Variants in XKR4 observed in about 807,000 individuals in gnomAD.
XKR4 encodes the protein XK related 4, also known as XK-related protein 4.
A neutral mutation model predicts 53.9 loss-of-function variants in XKR4; 12 were observed. The observed-to-expected ratio is 0.22, with a 90% CI of 0.14 to 0.36. XKR4 has a LOEUF of 0.36. XKR4 is among the 10% of genes least tolerant of loss of function. The pLI is 1.00. For missense variants in XKR4, 799 were observed against 859.5 expected, an observed-to-expected ratio of 0.93 and a Z score of 0.88; for synonymous variants, 354 against 362.4, an observed-to-expected ratio of 0.98 and a Z score of 0.26.
chr8:55,266,595 C>T (rs373198456), intron 1 of XKR4, among the ~76,000 whole-genome samples: 13 of 152,180 alleles, frequency 8.5e-5, no homozygotes, highest in African/African-American at 3.1e-4. Context: ...GAATGGAATA[C>T]AAGATGTACA....
intron 1 of XKR4, among the ~76,000 whole-genome samples, chr8:55,162,755 C>T (rs1007745307): frequency 6.6e-6 from 1 of 152,034 alleles, no homozygotes; most frequent in Admixed American, 6.6e-5. Context: ...ATTGAACTAC[C>T]CTTTCAATAT....
intron 2 of XKR4, among the ~76,000 whole-genome samples, chr8:55,386,683 G>A (rs2658941): frequency 0.67 from 101,739 of 152,080 alleles, 34,723 homozygotes; most frequent in African/African-American, 0.8. Context: ...TAAGTCTGCA[G>A]CTGGAAAAAT....
At position 55,509,919 on chromosome 8, in the gene XKR4, T is replaced by C. The variant is rs142033985; in HGVS notation, c.1007-13362T>C. 3.3e-5 allele frequency among the ~76,000 whole-genome samples: 5 copies of C among 152,348 alleles called. No individual in the cohort carries two copies. In the East Asian group the frequency reaches 9.6e-4, roughly 29 times the overall value. On this transcript the variant is annotated intron_variant, in intron 2 of 2. Transcript: ENST00000327381. ...CTGTGAGGTTCTTTCCTTTGGGCTT[T>C]GTTTTCTGAATGATGGAGGTAATAC...
chr8:55,386,237 A>G (rs1336238337), intron 2 of XKR4, among the ~76,000 whole-genome samples: 1 of 152,192 alleles, frequency 6.6e-6, no homozygotes, highest in East Asian at 1.9e-4. Flanking sequence ...TTGCATCACC[A>G]CCTCGTGAGT....
chr8:55,211,880 T>C (rs987702784), intron 1 of XKR4, among the ~76,000 whole-genome samples: 3 of 152,188 alleles, frequency 2.0e-5, no homozygotes, highest in African/African-American at 7.2e-5. Flanking sequence ...CCTGAGAACA[T>C]GTGCCCAAGG....
intron 1 of XKR4, among the ~76,000 whole-genome samples, chr8:55,211,059 C>T (rs1817723897): frequency 6.6e-6 from 1 of 152,080 alleles, no homozygotes; most frequent in African/African-American, 2.4e-5. Context: ...GGTCATGTTC[C>T]CTTATCTGTG....
chr8:55,460,758 T>G (rs2129397806), intron 2 of XKR4, among the ~76,000 whole-genome samples: 1 of 152,294 alleles, frequency 6.6e-6, no homozygotes. Flanking sequence ...AGATGGCACC[T>G]GGAAAATCGG....
At chr8:55,138,887 T>C (rs1046350485) in intron 1 of XKR4, among the ~76,000 whole-genome samples, 3 of 152,202 alleles carry the variant, frequency 2.0e-5, no homozygotes, top group Non-Finnish European at 4.4e-5. Flanking sequence ...TATGCAGGGA[T>C]GAGAGAAGAT....
At chr8:55,380,450 G>A (rs1260333078) in intron 2 of XKR4, among the ~76,000 whole-genome samples, 2 of 152,168 alleles carry the variant, frequency 1.3e-5, no homozygotes, top group Non-Finnish European at 2.9e-5. Context: ...TGTTGAAAGA[G>A]AAAGGAAACC....
At chr8:55,235,523 G>T (rs551887330) in intron 1 of XKR4, among the ~76,000 whole-genome samples, 2 of 150,964 alleles carry the variant, frequency 1.3e-5, no homozygotes, top group African/African-American at 4.8e-5. Context: ...TTTAACTATT[G>T]TATTAGTAAG....
intron 1 of XKR4, among the ~76,000 whole-genome samples, chr8:55,300,738 C>T (rs1007894621): frequency 6.6e-6 from 1 of 152,072 alleles, no homozygotes; most frequent in Non-Finnish European, 1.5e-5. Context: ...AAGGTGCTTC[C>T]ATCGTGGGGA....
chr8:55,143,834 G>A (rs947703230), intron 1 of XKR4, among the ~76,000 whole-genome samples: 22 of 152,182 alleles, frequency 1.4e-4, no homozygotes, highest in Non-Finnish European at 2.4e-4. Context: ...GCGAATTTCC[G>A]GTAAATACAG....
At chr8:55,161,104 G>T (rs1022700068) in intron 1 of XKR4, among the ~76,000 whole-genome samples, 2 of 152,122 alleles carry the variant, frequency 1.3e-5, no homozygotes, top group African/African-American at 4.8e-5. Flanking sequence ...AGTATTGCCA[G>T]CACCTGGACC....
intron 1 of XKR4, among the ~76,000 whole-genome samples, chr8:55,222,499 C>T (rs532160577): frequency 3.3e-5 from 5 of 152,354 alleles, no homozygotes; most frequent in African/African-American, 1.2e-4. Flanking sequence ...GTCCACCTCA[C>T]AGTCTTCTCA....
chr8:55,324,927 C>T (rs1391115483), intron 1 of XKR4, among the ~76,000 whole-genome samples: 1 of 152,156 alleles, frequency 6.6e-6, no homozygotes, highest in Non-Finnish European at 1.5e-5. Flanking sequence ...AAATATTTTA[C>T]CACCTTTCTC....
At chr8:55,149,695 G>A (rs1192682598) in intron 1 of XKR4, among the ~76,000 whole-genome samples, 4 of 152,138 alleles carry the variant, frequency 2.6e-5, no homozygotes, top group African/African-American at 9.7e-5. Flanking sequence ...GCCCATAGCC[G>A]GACAGCAGCC....
At chr8:55,520,033 C>T (rs961330235) in intron 2 of XKR4, among the ~76,000 whole-genome samples, 7 of 152,186 alleles carry the variant, frequency 4.6e-5, no homozygotes, top group Non-Finnish European at 7.3e-5. Context: ...GTCCTGTGTT[C>T]CAGCACTGTG....
chr8:55,452,353 G>C lies in XKR4; in HGVS notation c.1007-70928G>C, dbSNP rs1805462682. On this transcript the variant is annotated intron_variant, in intron 2 of 2. Coordinates refer to ENST00000327381, the MANE Select transcript of XKR4 (RefSeq NM_052898.2). ...AACACCACCTTCTCCCCCACCAGGG[G>C]GTCTGTGAGCATCCCCGTGAAGATG... 16 of 630,166 alleles carry C rather than the reference G, an allele frequency of 2.5e-5. 1 individual carries two copies. The South Asian group carries it at 2.8e-4, about 11-fold the overall frequency. The allele number at this position is 630,166 out of a possible 1,614,324, so 39.0% of individuals were successfully genotyped here.
intron 2 of XKR4, among the ~76,000 whole-genome samples, chr8:55,518,946 G>T (rs1245532917): frequency 6.6e-6 from 1 of 152,190 alleles, no homozygotes; most frequent in Non-Finnish European, 1.5e-5. Flanking sequence ...GTTAAAGGAG[G>T]CTTGTTACAT....
Sources: gnomAD v4.1 joint callset for allele counts (sites outside exome capture counted in the v4.1 genomes callset) on GRCh38, gnomAD v4.1.1 for gene constraint, MANE v1.5 for transcripts, NCBI Gene and HGNC (gene_info 2026-07-23, HGNC 2026-07-21) for gene names.